DNAH12: variants seen among roughly 807,000 people sequenced by gnomAD.
DNAH12 encodes the protein axonemal beta dynein heavy chain 12.
A neutral mutation model predicts 371.5 loss-of-function variants in DNAH12; 285 were observed. That is an observed-to-expected ratio of 0.77 (90% CI 0.70 to 0.85). DNAH12 has a LOEUF of 0.85. Among genes scored for constraint, DNAH12 ranks in the 40% least tolerant of loss-of-function variants. DNAH12 has a pLI of 0.00. For missense variants in DNAH12, 3,611 were observed against 3,689.4 expected, an observed-to-expected ratio of 0.98 and a Z score of 0.55; for synonymous variants, 1,200 against 1,213.0, an observed-to-expected ratio of 0.99 and a Z score of 0.22.
intron 4 of DNAH12, among the ~76,000 whole-genome samples, chr3:57,513,962 G>A (rs780307762): frequency 6.6e-6 from 1 of 152,226 alleles, no homozygotes; most frequent in Non-Finnish European, 1.5e-5. Flanking sequence ...CATATACAAG[G>A]TATTCATTGC....
intron 65 of DNAH12, among the ~76,000 whole-genome samples, chr3:57,321,991 T>C (rs1444357143): frequency 6.6e-6 from 1 of 152,222 alleles, no homozygotes; most frequent in Admixed American, 6.5e-5. Context: ...ATATCTACAC[T>C]ACCTAGGAGA....
chr3:57,330,967 G>A (rs1212426213), intron 62 of DNAH12, among the ~76,000 whole-genome samples: 1 of 152,044 alleles, frequency 6.6e-6, no homozygotes, highest in Admixed American at 6.6e-5. Context: ...ACAAGTAGAA[G>A]GCCTGAATAA....
intron 45 of DNAH12, among the ~76,000 whole-genome samples, chr3:57,390,835 T>G (rs1254196745): frequency 1.3e-5 from 2 of 152,070 alleles, no homozygotes; most frequent in Non-Finnish European, 2.9e-5. Flanking sequence ...TCCAACTGCT[T>G]TGGTTTTTTC....
upstream of DNAH12, among the ~76,000 whole-genome samples, chr3:57,549,344 C>T (rs773641383): frequency 3.3e-5 from 5 of 151,892 alleles, no homozygotes; most frequent in Admixed American, 1.3e-4. Context: ...GGTGAAACCC[C>T]GTCTCTACCA....
rs188546141 is a variant in DNAH12, at chr3:57,408,659, A to T, written c.6021-124T>A. 5.7e-6 allele frequency: 7 copies of T among 1,238,426 alleles called. No homozygotes were observed. The East Asian group carries it at 1.7e-4, about 31-fold the overall frequency. The allele number at this position is 1,238,426 out of a possible 1,614,324, so 76.7% of individuals were successfully genotyped here. ...TCTCTAAAAGGAATAACTTCAGATA[A>T]CACTTTGAGTAGGAGAGAAATTTTT... On this transcript the variant is annotated intron_variant, in intron 39 of 73. Coordinates refer to ENST00000495027, the MANE Select transcript of DNAH12 (RefSeq NM_001366028.2).
intron 29 of DNAH12, 74 bp downstream of exon 29, chr3:57,444,623 T>C (rs1379419466): frequency 2.6e-6 from 4 of 1,524,184 alleles, no homozygotes; most frequent in Non-Finnish European, 3.5e-6. Context: ...CACACATTAA[T>C]AAATCTTGGT....
At chr3:57,348,541 C>A (rs6798769) in intron 60 of DNAH12, among the ~76,000 whole-genome samples, 77,879 of 151,924 alleles carry the variant, frequency 0.51, 21,268 homozygotes, top group Non-Finnish European at 0.63. Flanking sequence ...TAGATGCTAA[C>A]AAATATATCA....
chr3:57,302,568 T>TATATATATATATATATA (rs1491312065), intron 69 of DNAH12, among the ~76,000 whole-genome samples: 3 of 48,624 alleles, frequency 6.2e-5, no homozygotes, highest in Non-Finnish European at 1.0e-4. Context: ...TATATATGTA[T>TATATATATATATATATA]TTTTTTTTTT....
intron 36 of DNAH12, among the ~76,000 whole-genome samples, chr3:57,420,087 A>G (rs761786809): frequency 2.6e-5 from 4 of 152,230 alleles, no homozygotes; most frequent in Non-Finnish European, 1.5e-5. Flanking sequence ...ACCAGGATAT[A>G]TATCAGCATA....
At chr3:57,407,281 G>GAAAAA (rs35245549) in intron 40 of DNAH12, among the ~76,000 whole-genome samples, 1 of 133,598 alleles carries the variant, frequency 7.5e-6, no homozygotes, top group Non-Finnish European at 1.6e-5. Context: ...TTCAAAGACA[G>GAAAAA]AAAAAAAAAA....
In DNAH12 at chr3:57,348,797, T is replaced by C. The variant is rs140199349; in HGVS notation, c.9674+3288A>G. On this transcript the variant is annotated intron_variant, in intron 60 of 73. Transcript: ENST00000495027. ...GTGAAATTGTTAATTTTCCACAAAC[T>C]GATTTACAGTTCCAATGCACTCCTC... Among the ~76,000 whole-genome samples the C allele has an allele frequency of 9.2e-3, 1,396 of 152,360 alleles. 11 individuals are homozygous for C. The highest frequency in any genetic ancestry group is 0.014 in the Non-Finnish European group (957 of 68,032).
At position 57,428,710 on chromosome 3, in the gene DNAH12, C is replaced by T. The variant is rs2064860654; in HGVS notation, c.5176G>A (p.Glu1726Lys). The change falls in exon 34 of 74, where the codon GAA (glutamate) becomes AAA (lysine). Residue 1726 changes from glutamate to lysine, a missense_variant. Physicochemically the swap from Glu to Lys is moderately conservative, Grantham distance 56. This residue lies in a region of DNAH12 where 2,266 missense variants were observed against 2,236.9 expected (regional missense o/e 1.01). Transcript: ENST00000495027. ...NSLKGPLCEP[E>K]YQALLRGLFA... ...AGTCCTCTCAGAAGAGCTTGATATT[C>T]TGGTTCACACAGAGGTCCTTTCAGT... is the stretch of plus-strand genomic sequence containing the variant. The T allele has an allele frequency of 6.4e-7, 1 of 1,551,382 alleles. No individual in the cohort carries two copies. The highest frequency in any genetic ancestry group is 2.0e-5 in the Admixed American group (1 of 50,950).
chr3:57,536,416 GA>G (rs1450261567), intron 2 of DNAH12: 1 of 152,184 alleles, frequency 6.6e-6, no homozygotes, highest in Non-Finnish European at 1.5e-5. Context: ...AGTGCAGAGT[GA>G]AAATTTTCTC....
chr3:57,370,365 TCA>T (rs1290263490), intron 55 of DNAH12, among the ~76,000 whole-genome samples: 1 of 152,212 alleles, frequency 6.6e-6, no homozygotes, highest in African/African-American at 2.4e-5. Context: ...AAGTGCTTTC[TCA>T]CAACATTTCT....
chr3:57,314,771 A>G lies in DNAH12; in HGVS notation c.10525-140T>C, dbSNP rs1041842974. 3 of 844,544 alleles carry G rather than the reference A, an allele frequency of 3.6e-6. No individual in the cohort carries two copies. The African/African-American group carries it at 5.2e-5, about 15-fold the overall frequency. 52.3% of individuals were successfully genotyped at this position (844,544 alleles called of 1,614,324 possible). On this transcript the variant is annotated intron_variant, in intron 65 of 73. Coordinates refer to ENST00000495027, the MANE Select transcript of DNAH12 (RefSeq NM_001366028.2). ...CAAACTTCTATTTTAAAAAAATCCTATCTAAAATAATACTTACTATAAATA... is the reference window on the plus strand; with the variant it reads ...CAAACTTCTATTTTAAAAAAATCCTGTCTAAAATAATACTTACTATAAATA...
intron 9 of DNAH12, among the ~76,000 whole-genome samples, chr3:57,503,283 A>G (rs2067623629): frequency 6.6e-6 from 1 of 152,200 alleles, no homozygotes; most frequent in South Asian, 2.1e-4. Context: ...AAAACAAAAC[A>G]AAGAAAACCT....
At chr3:57,366,163 A>G (rs2063047203) in intron 57 of DNAH12, among the ~76,000 whole-genome samples, 1 of 152,128 alleles carries the variant, frequency 6.6e-6, no homozygotes, top group Admixed American at 6.6e-5. Flanking sequence ...TCCCACCAAT[A>G]CCAAGATGGC....
At chr3:57,302,937 C>G (rs1451068534) in intron 69 of DNAH12, among the ~76,000 whole-genome samples, 1 of 151,750 alleles carries the variant, frequency 6.6e-6, no homozygotes, top group African/African-American at 2.4e-5. Flanking sequence ...TTTATTCTGT[C>G]TCTAATTCCT....
chr3:57,482,460 TTA>T (rs963134779), intron 13 of DNAH12, among the ~76,000 whole-genome samples: 4 of 151,420 alleles, frequency 2.6e-5, no homozygotes, highest in African/African-American at 9.7e-5. Context: ...AGGAGCACTT[TTA>T]CACTGTTGGT....
Sources: allele counts gnomAD v4.1 joint callset (sites outside exome capture counted in the v4.1 genomes callset), GRCh38; gene constraint gnomAD v4.1.1; regional missense constraint gnomAD v4.1.1; transcripts MANE v1.5; gene names NCBI Gene and HGNC (gene_info 2026-07-23, HGNC 2026-07-21).